SZT2: variants seen among roughly 807,000 people sequenced by gnomAD.
SZT2 encodes the protein SZT2 subunit of KICSTOR complex.
In SZT2, 216 loss-of-function variants were observed where a neutral mutation model predicts 404.2. The ratio of observed to expected loss-of-function variants is 0.53; its 90% CI spans 0.48 to 0.60. SZT2 has a LOEUF of 0.60. SZT2 is among the 20% of genes least tolerant of loss of function. The pLI, the probability that SZT2 is intolerant of heterozygous loss-of-function variation, is 0.00. For missense variants in SZT2, 3,857 were observed against 4,459.2 expected (o/e 0.86, Z 3.85); for synonymous variants, 1,693 against 1,749.9 (o/e 0.97, Z 0.81).
At position 43,424,811 on chromosome 1, in the gene SZT2, C is replaced by G. The variant is rs777334279; in HGVS notation, c.2499C>G (p.Phe833Leu). 6.2e-7 allele frequency: 1 copy of G among 1,614,056 alleles called. No homozygotes were observed. Among genetic ancestry groups the G allele is most frequent in the East Asian group, 2.2e-5 (1 of 44,880 alleles). The change falls in exon 17 of 72, where the codon TTC (phenylalanine) becomes TTG (leucine). Residue 833 changes from phenylalanine to leucine, a missense_variant. By Grantham distance (22) the Phe-to-Leu change is conservative. Coordinates refer to ENST00000634258, the MANE Select transcript of SZT2 (RefSeq NM_001365999.1). This position sits in a 1 kb window ranked among gnomAD's most constrained non-coding sequence, Gnocchi z 4.1. The part of the protein sequence containing the change: ...TEVRLSEGFH[F>L]ACSGEGIINM... The stretch of plus-strand genomic sequence containing the variant: ...TCCGACTTTCTGAAGGATTCCACTT[C>G]GCCTGCAGTGGGGAAGGAATCATCA...
intron 1 of SZT2, among the ~76,000 whole-genome samples, chr1:43,391,589 C>T (rs913575968): frequency 3.3e-5 from 5 of 151,978 alleles, no homozygotes; most frequent in South Asian, 4.1e-4. Context: ...CAATCAAGAT[C>T]AATCAGAAAT....
Position 43,403,278 on chromosome 1 carries a change from G to A in SZT2, c.129G>A (p.Val43=). Residue 43 remains valine, a synonymous_variant, in exon 2 of 72, where the codon GTG becomes GTA. Transcript: ENST00000634258. ...AWFLSHLHQT[V]QATPQEMLLQ... is the part of the protein sequence containing the mutation. ...TCCTCAGTCATCTGCACCAAACTGT[G>A]CAGGCCACACCCCAGGAGATGCTGG... 1 of 1,613,818 alleles carries A rather than the reference G, an allele frequency of 6.2e-7. No individual in the cohort carries two copies. Among genetic ancestry groups the A allele is most frequent in the South Asian group, 1.1e-5 (1 of 91,066 alleles).
intron 1 of SZT2, among the ~76,000 whole-genome samples, chr1:43,401,533 A>T (rs1011584310): frequency 4.0e-5 from 6 of 151,648 alleles, no homozygotes; most frequent in Non-Finnish European, 7.4e-5. Flanking sequence ...GTCGCCCAGG[A>T]TGGAGTGCAG....
rs1292715616 is a variant in SZT2 at position 43,406,368 on chromosome 1, G to A, written c.498+1818G>A. 2.0e-5 allele frequency: 4 copies of A among 200,572 alleles called. No individual in the cohort carries two copies. The South Asian group carries it at 2.0e-4, about 10-fold the overall frequency. 12.4% of individuals were successfully genotyped at this position (200,572 alleles called of 1,614,324 possible). The stretch of plus-strand genomic sequence containing the variant: ...CTGCCTCAGCCTCCCAAAGTGCTGG[G>A]ATTACAGGCATGAGCTACTGTGCCT... On this transcript the variant is annotated intron_variant, in intron 4 of 71. Coordinates refer to ENST00000634258, the MANE Select transcript of SZT2 (RefSeq NM_001365999.1).
Position 43,451,520 on chromosome 1 carries a change from G to C in SZT2, c.*1040G>C. 1 of 1,614,124 alleles carries C rather than the reference G, an allele frequency of 6.2e-7. No individual in the cohort carries two copies. The highest frequency in any genetic ancestry group is 8.5e-7 in the Non-Finnish European group (1 of 1,180,026). ...GGGGCTGCTGGGCTCCCCTCGGCCT[G>C]GGACCTGTGCCACCTGCACATGCCC... On this transcript the variant is annotated 3_prime_UTR_variant, in exon 72 of 72. Coordinates refer to ENST00000634258, the MANE Select transcript of SZT2 (RefSeq NM_001365999.1).
Position 43,439,336 on chromosome 1 carries a change from T to TCTG in SZT2, c.6793-21_6793-19dup. The TCTG allele has an allele frequency of 6.2e-7, 1 of 1,613,538 alleles. No individual in the cohort carries two copies. The highest frequency in any genetic ancestry group is 8.5e-7 in the Non-Finnish European group (1 of 1,179,544). On this transcript the variant is annotated intron_variant, in intron 48 of 71. Transcript: ENST00000634258. This position sits in a 1 kb window ranked among gnomAD's most constrained non-coding sequence, Gnocchi z 4.2. ...TTGTCCATTTGCTTGCTCTTAGTGC[T>TCTG]CTGTGGCTGTTCTTTCCCCAGCATC... is the stretch of plus-strand genomic sequence containing the variant.
intron 1 of SZT2, among the ~76,000 whole-genome samples, chr1:43,391,648 GATTAAAGTGAAA>G (rs1648331942): frequency 6.6e-6 from 1 of 152,168 alleles, no homozygotes. Context: ...TTTCATTATA[GATTAAAGTGAAA>G]GGAGGTGGAG....
intron 1 of SZT2, among the ~76,000 whole-genome samples, chr1:43,399,898 CAG>C (rs1244275600): frequency 6.6e-6 from 1 of 152,062 alleles, no homozygotes; most frequent in Non-Finnish European, 1.5e-5. Flanking sequence ...AGCAGTGTAA[CAG>C]AGAGTAGTAT....
rs2153936188 is a variant in SZT2 at position 43,443,767 on chromosome 1, A to G, written c.8796A>G (p.Val2932=). 6.2e-7 allele frequency: 1 copy of G among 1,613,828 alleles called. No homozygotes were observed. The highest frequency in any genetic ancestry group is 8.5e-7 in the Non-Finnish European group (1 of 1,180,024). The part of the protein sequence containing the change: ...QYLQSIGFVL[V]PLRPPSPARS... ...TGCAGAGCATAGGTTTTGTGCTGGT[A>G]CCACTGCGGCCCCCCTCACCCGCCC... Residue 2932 remains valine (V), a synonymous_variant, in exon 62 of 72, where the codon GTA becomes GTG. Transcript: ENST00000634258.
intron 1 of SZT2, among the ~76,000 whole-genome samples, chr1:43,398,066 G>C (rs12118038): frequency 1.3e-5 from 2 of 152,272 alleles, no homozygotes; most frequent in South Asian, 4.1e-4. Flanking sequence ...CTGGCCTTAC[G>C]TGGGCCAAAA....
chr1:43,435,412 C>T (rs1223717889), intron 42 of SZT2, 83 bp downstream of exon 42: 2 of 1,504,368 alleles, frequency 1.3e-6, no homozygotes, highest in South Asian at 1.2e-5. Flanking sequence ...AAGCTGAGGG[C>T]AGAGTCCTCA....
Position 43,448,692 on chromosome 1 carries a change from C to T in SZT2, c.10050C>T (p.Arg3350=), listed in dbSNP as rs773604243. 4.3e-6 allele frequency: 7 copies of T among 1,614,090 alleles called. No individual in the cohort carries two copies. In the South Asian group the frequency reaches 5.5e-5, roughly 13 times the overall value. ...TAAGCCGCTTCCCCCAGAGCTGTCG[C>T]CATTTCCAAAGCCCAGACTTGGGAA... ...VLLSRFPQSC[R]HFQSPDLGTQ... is the part of the protein sequence containing the mutation. Residue 3350 remains arginine, a synonymous_variant, in exon 70 of 72, where the codon CGC becomes CGT. Transcript: ENST00000634258. The surrounding 1 kb of genome is among the most constrained non-coding windows in gnomAD (Gnocchi z 4.2).
chr1:43,414,394 A>G (rs1651446479), intron 4 of SZT2, among the ~76,000 whole-genome samples: 1 of 152,140 alleles, frequency 6.6e-6, no homozygotes, highest in African/African-American at 2.4e-5. Flanking sequence ...CCATAAATAT[A>G]TACACCTTCT....
At chr1:43,421,374 C>A in intron 11 of SZT2, 71 bp downstream of exon 11, 9 of 1,559,238 alleles carry the variant, frequency 5.8e-6, no homozygotes, top group South Asian at 1.2e-5. Flanking sequence ...GAGCCCAGGA[C>A]CACCACCTTC....
At chr1:43,430,260 T>C in intron 30 of SZT2, 51 bp from the exon 31 acceptor site, 1 of 1,594,746 alleles carries the variant, frequency 6.3e-7, no homozygotes, top group Non-Finnish European at 8.6e-7. Context: ...TTGCCTAGGA[T>C]GAGGCAAGTG....
chr1:43,390,121 C>A, intron 1 of SZT2, 126 bp downstream of exon 1: 2 of 1,165,796 alleles, frequency 1.7e-6, no homozygotes, highest in South Asian at 2.1e-5. Context: ...CAGGGACCAG[C>A]CCAGCCCGGA....
In SZT2 at chr1:43,452,914, C is replaced by A; in HGVS notation, c.*2434C>A. ...AACAGGCTACATACATGTCCAGCCT[C>A]AGGAACGCTGCCAAATACACCAGGC... is the stretch of plus-strand genomic sequence containing the variant. On this transcript the variant is annotated 3_prime_UTR_variant, in exon 72 of 72. Transcript: ENST00000634258. 1 of 1,604,412 alleles carries A rather than the reference C, an allele frequency of 6.2e-7. No individual in the cohort carries two copies. Among genetic ancestry groups the A allele is most frequent in the Non-Finnish European group, 8.5e-7 (1 of 1,176,288 alleles).
intron 1 of SZT2, among the ~76,000 whole-genome samples, chr1:43,400,639 A>G (rs1649567267): frequency 6.6e-6 from 1 of 152,238 alleles, no homozygotes; most frequent in Non-Finnish European, 1.5e-5. Flanking sequence ...CGGAAGGCCA[A>G]GGCGGGTGAA....
chr1:43,403,699 C>G lies in SZT2; in HGVS notation c.252C>G (p.Ser84=). 6.2e-7 allele frequency: 1 copy of G among 1,614,186 alleles called. No individual in the cohort carries two copies. ...VVPRPFLLVP[S]TRVTFLAWQY... is the part of the protein sequence containing the mutation. ...CAAGGCCATTCCTCCTGGTACCTTC[C>G]ACCCGGGTCACCTTCCTGGCTTGGC... is the stretch of plus-strand genomic sequence containing the variant. The change falls in exon 3 of 72, where the codon TCC becomes TCG. Residue 84 remains serine (S), a synonymous_variant. Coordinates refer to ENST00000634258, the MANE Select transcript of SZT2 (RefSeq NM_001365999.1).
Sources: gnomAD v4.1 joint callset for allele counts (sites outside exome capture counted in the v4.1 genomes callset) on GRCh38, gnomAD v4.1.1 for gene constraint, Gnocchi (gnomAD v3.1) non-coding constraint, MANE v1.5 for transcripts, NCBI Gene and HGNC (gene_info 2026-07-23, HGNC 2026-07-21) for gene names.